Variants in PLA2G4A observed in about 807,000 individuals in gnomAD.
The protein encoded by PLA2G4A is cytosolic phospholipase A2.
PLA2G4A carries 40 observed loss-of-function variants against 81.9 expected under a neutral mutation model. The ratio of observed to expected loss-of-function variants is 0.49; its 90% CI spans 0.38 to 0.64. The LOEUF (loss-of-function observed/expected upper bound fraction) is 0.64. Among genes scored for constraint, PLA2G4A ranks in the 30% least tolerant of loss-of-function variants. PLA2G4A has a pLI of 0.00. For missense variants in PLA2G4A, 715 were observed against 905.1 expected, an observed-to-expected ratio of 0.79 and a Z score of 2.69; for synonymous variants, 302 against 296.9, an observed-to-expected ratio of 1.02 and a Z score of -0.18.
intron 8 of PLA2G4A, among the ~76,000 whole-genome samples, chr1:186,933,529 A>G (rs1267060197): frequency 6.6e-6 from 1 of 152,162 alleles, no homozygotes; most frequent in African/African-American, 2.4e-5. Flanking sequence ...AAGATATTAC[A>G]TACTTTTTGG....
At chr1:186,960,351 T>A (rs370546960) in intron 14 of PLA2G4A, among the ~76,000 whole-genome samples, 2 of 152,300 alleles carry the variant, frequency 1.3e-5, no homozygotes, top group East Asian at 1.9e-4. Flanking sequence ...AAATGGTCAT[T>A]ACAAATATCC....
At chr1:186,889,796 C>G (rs187828495) in intron 3 of PLA2G4A, among the ~76,000 whole-genome samples, 259 of 152,106 alleles carry the variant, frequency 1.7e-3, no homozygotes, top group African/African-American at 5.6e-3. Context: ...TTCTCTCCCC[C>G]CTCCCTCCCT....
At chr1:186,882,694 G>T (rs1558397373) in intron 3 of PLA2G4A, among the ~76,000 whole-genome samples, 5 of 152,124 alleles carry the variant, frequency 3.3e-5, no homozygotes. Flanking sequence ...GTGTGTTTCA[G>T]AAGGATAGTT....
chr1:186,973,027 A>G (rs189340622), intron 15 of PLA2G4A, among the ~76,000 whole-genome samples: 43 of 152,366 alleles, frequency 2.8e-4, no homozygotes, highest in African/African-American at 9.6e-4. Context: ...GTGGGCACCA[A>G]TCCACAATGG....
intron 7 of PLA2G4A, among the ~76,000 whole-genome samples, chr1:186,913,786 G>A (rs964034602): frequency 1.3e-5 from 2 of 152,150 alleles, no homozygotes; most frequent in African/African-American, 2.4e-5. Flanking sequence ...AGGAATTTGA[G>A]ATTATTGCAA....
intron 7 of PLA2G4A, among the ~76,000 whole-genome samples, chr1:186,914,885 T>G (rs986893399): frequency 6.6e-6 from 1 of 152,218 alleles, no homozygotes; most frequent in Non-Finnish European, 1.5e-5. Context: ...CTCACTTTCA[T>G]TTTTACTACC....
At chr1:186,934,443 C>CACATAT (rs372931067) in intron 8 of PLA2G4A, among the ~76,000 whole-genome samples, 2 of 99,564 alleles carry the variant, frequency 2.0e-5, no homozygotes, top group African/African-American at 9.0e-5. Flanking sequence ...TAAATGTGCA[C>CACATAT]ATATATATAT....
chr1:186,953,519 CT>C (rs1656638997), intron 13 of PLA2G4A, among the ~76,000 whole-genome samples: 1 of 151,864 alleles, frequency 6.6e-6, no homozygotes. Flanking sequence ...GTGGGTTATC[CT>C]TTTATTCTCT....
At chr1:186,968,400 A>ATGTGTGTGTGTGTGTGTG (rs58475951) in intron 15 of PLA2G4A, among the ~76,000 whole-genome samples, 2,318 of 137,346 alleles carry the variant, frequency 0.017, 96 homozygotes, top group African/African-American at 0.055. Context: ...CGCGGTGTGT[A>ATGTGTGTGTGTGTGTGTG]TGTGTGTGTG....
chr1:186,895,434 G>A (rs1264556991), intron 5 of PLA2G4A, among the ~76,000 whole-genome samples: 3 of 152,128 alleles, frequency 2.0e-5, no homozygotes, highest in East Asian at 1.9e-4. Context: ...CAATTCTGTC[G>A]ACCCCTTTTA....
Position 186,979,853 on chromosome 1 carries a change from A to T in PLA2G4A, c.2118+381A>T, listed in dbSNP as rs191687420. Among the ~76,000 whole-genome samples the T allele has an allele frequency of 5.9e-5, 9 of 152,126 alleles. No homozygotes were observed. In the East Asian group the frequency reaches 1.7e-3, roughly 29 times the overall value. On this transcript the variant is annotated intron_variant, in intron 17 of 17. Transcript: ENST00000367466. ...AGAAGTGTAGTTAATCTGCAAAAATATAACATGAATTTTAATAAATACATT... is the reference window on the plus strand; with the variant it reads ...AGAAGTGTAGTTAATCTGCAAAAATTTAACATGAATTTTAATAAATACATT...
At position 186,939,047 on chromosome 1, in the gene PLA2G4A, G is replaced by A. The variant is rs570455989; in HGVS notation, c.735G>A (p.Glu245=). 7.6e-5 allele frequency: 122 copies of A among 1,609,978 alleles called. 1 individual carries two copies. The Admixed American group carries it at 1.6e-3, about 21-fold the overall frequency. Residue 245 remains glutamate, a synonymous_variant, in exon 9 of 18, where the codon GAG becomes GAA. Transcript: ENST00000367466. ...TGTATTCTCACCCTGATTTTCCAGAGAAAGGGCCAGAGGAGATTAATGAAG... is the reference window on the plus strand; with the variant it reads ...TGTATTCTCACCCTGATTTTCCAGAAAAAGGGCCAGAGGAGATTAATGAAG... ...STLYSHPDFP[E]KGPEEINEEL... is the part of the protein sequence containing the mutation.
chr1:186,867,300 C>T (rs1414657335), intron 2 of PLA2G4A, among the ~76,000 whole-genome samples: 2 of 152,136 alleles, frequency 1.3e-5, no homozygotes, highest in Admixed American at 1.3e-4. Context: ...AAAGAAATGA[C>T]ATCTTTACAT....
intron 17 of PLA2G4A, among the ~76,000 whole-genome samples, chr1:186,980,228 C>A (rs886484840): frequency 2.6e-5 from 4 of 152,124 alleles, no homozygotes; most frequent in African/African-American, 9.7e-5. Flanking sequence ...CGTGAGCCAC[C>A]GCACCCGGCC....
At chr1:186,966,756 A>C (rs1232455380) in intron 15 of PLA2G4A, among the ~76,000 whole-genome samples, 1 of 152,190 alleles carries the variant, frequency 6.6e-6, no homozygotes, top group African/African-American at 2.4e-5. Context: ...TGACTTCCAC[A>C]TATATGGTTA....
At chr1:186,934,522 A>T (rs894332162) in intron 8 of PLA2G4A, among the ~76,000 whole-genome samples, 1 of 150,054 alleles carries the variant, frequency 6.7e-6, no homozygotes, top group Non-Finnish European at 1.5e-5. Context: ...ATATATACAG[A>T]GAGATTAATT....
Position 186,894,148 on chromosome 1 carries a change from A to T in PLA2G4A, c.315A>T (p.Ala105=). Residue 105 remains alanine (A), a synonymous_variant, in exon 5 of 18, where the codon GCA becomes GCT. Transcript: ENST00000367466. ...NYVMDETLGT[A]TFTVSSMKVG... is the part of the protein sequence containing the mutation. ...TCATGGATGAAACTCTAGGGACAGC[A>T]ACATTTACTGTATCTTCTATGAAGG... 6.5e-7 allele frequency: 1 copy of T among 1,530,822 alleles called. No homozygotes were observed. Among genetic ancestry groups the T allele is most frequent in the Non-Finnish European group, 9.1e-7 (1 of 1,104,086 alleles). 94.8% of individuals were successfully genotyped at this position (1,530,822 alleles called of 1,614,324 possible). A position where few individuals can be genotyped will look rare whatever the true frequency, so the allele number is the denominator to read the frequency against.
chr1:186,882,626 G>A (rs1275250836), intron 3 of PLA2G4A, among the ~76,000 whole-genome samples: 4 of 152,048 alleles, frequency 2.6e-5, no homozygotes, highest in African/African-American at 4.8e-5. Flanking sequence ...TTGGGAGGGA[G>A]CCTTTAAGTC....
Position 186,870,779 on chromosome 1 carries a change from T to C in PLA2G4A, c.115+263T>C, listed in dbSNP as rs756503924. ...CCCTTATTTTCTTTGCTGTTAAACG[T>C]ATAATTATGGTTCAGCCTTTAATTA... On this transcript the variant is annotated intron_variant, in intron 3 of 17. Transcript: ENST00000367466. 25 of 1,414,986 alleles carry C rather than the reference T, an allele frequency of 1.8e-5. No individual in the cohort carries two copies. The South Asian group carries it at 2.9e-4, about 17-fold the overall frequency. 87.7% of individuals were successfully genotyped at this position (1,414,986 alleles called of 1,614,324 possible).
Sources: allele counts gnomAD v4.1 joint callset (sites outside exome capture counted in the v4.1 genomes callset), GRCh38; gene constraint gnomAD v4.1.1; transcripts MANE v1.5; gene names NCBI Gene and HGNC (gene_info 2026-07-23, HGNC 2026-07-21).